SIK3: variants seen among roughly 807,000 people sequenced by gnomAD.
SIK3 encodes serine/threonine-protein kinase SIK3.
A neutral mutation model predicts 144.2 loss-of-function variants in SIK3; 28 were observed. The observed-to-expected ratio is 0.19, with a 90% CI of 0.14 to 0.27. The LOEUF (loss-of-function observed/expected upper bound fraction) is 0.27, where lower values mean the gene tolerates loss of function less well. SIK3 is among the 10% of genes least tolerant of loss of function. The probability of loss-of-function intolerance (pLI) is 1.00; values close to 1 mark genes in which losing one functional copy is unlikely to be tolerated. For synonymous variants in SIK3, 686 were observed against 676.3 expected (o/e 1.01, Z -0.22); for missense variants, 1,319 against 1,776.0 (o/e 0.74, Z 4.62).
chr11:116,871,865 T>C (rs1943988877), intron 13 of SIK3, among the ~76,000 whole-genome samples: 1 of 152,200 alleles, frequency 6.6e-6, no homozygotes, highest in Non-Finnish European at 1.5e-5. Context: ...TAAGTTCATT[T>C]GGGACATGCT....
intron 3 of SIK3, among the ~76,000 whole-genome samples, chr11:116,944,991 G>A (rs537768815): frequency 1.5e-4 from 23 of 150,324 alleles, no homozygotes; most frequent in African/African-American, 4.9e-4. Context: ...ACGGAGTCTC[G>A]CTCTGTCCCG....
At chr11:117,039,029 G>A (rs1286710690) in intron 1 of SIK3, among the ~76,000 whole-genome samples, 2 of 151,870 alleles carry the variant, frequency 1.3e-5, no homozygotes, top group Non-Finnish European at 2.9e-5. Context: ...CAGCCTGGGC[G>A]ACGGAGTGAG....
At chr11:116,912,380 A>C (rs1421934446) in intron 4 of SIK3, among the ~76,000 whole-genome samples, 2 of 152,212 alleles carry the variant, frequency 1.3e-5, no homozygotes, top group African/African-American at 4.8e-5. Flanking sequence ...GGGCGGCATT[A>C]ATTTATAAAT....
intron 3 of SIK3, among the ~76,000 whole-genome samples, chr11:116,950,416 A>C (rs1042779112): frequency 1.3e-5 from 2 of 152,226 alleles, no homozygotes; most frequent in Non-Finnish European, 2.9e-5. Flanking sequence ...TTCCAAAGCG[A>C]AAACTAGGTT....
chr11:116,977,380 C>T (rs908824110), intron 1 of SIK3, among the ~76,000 whole-genome samples: 1 of 152,010 alleles, frequency 6.6e-6, no homozygotes, highest in African/African-American at 2.4e-5. Flanking sequence ...CATGCCCAGC[C>T]AGAAATTTCT....
rs569665566 is a variant in SIK3 at position 117,074,866 on chromosome 11, G to A, written c.273+23277C>T. ...TGCTTGAACCAGGGAGGTGGAGGTT[G>A]CAGTGAGTCAAGATCGCGCCATTGC... On this transcript the variant is annotated intron_variant, in intron 1 of 24. Transcript: ENST00000445177. 1.6e-3 allele frequency among the ~76,000 whole-genome samples: 250 copies of A among 151,738 alleles called. 5 individuals are homozygous for A. In the South Asian group the frequency reaches 0.049, roughly 30 times the overall value.
intron 1 of SIK3, among the ~76,000 whole-genome samples, chr11:117,006,230 C>T (rs1951041925): frequency 6.6e-6 from 1 of 152,136 alleles, no homozygotes; most frequent in African/African-American, 2.4e-5. Flanking sequence ...TACCACAATA[C>T]ATTGAAATTG....
intron 4 of SIK3, among the ~76,000 whole-genome samples, chr11:116,923,121 G>A (rs1283146701): frequency 6.6e-6 from 1 of 151,892 alleles, no homozygotes. Flanking sequence ...TCACCACGTT[G>A]GCCAGGCTGG....
At chr11:117,058,261 C>T (rs892105334) in intron 1 of SIK3, among the ~76,000 whole-genome samples, 3 of 152,150 alleles carry the variant, frequency 2.0e-5, no homozygotes, top group Non-Finnish European at 4.4e-5. Context: ...GTGGCTCACA[C>T]CTGTAATCCC....
intron 4 of SIK3, among the ~76,000 whole-genome samples, chr11:116,912,777 C>T (rs1436109697): frequency 6.6e-6 from 1 of 152,186 alleles, no homozygotes; most frequent in Admixed American, 6.5e-5. Flanking sequence ...CCCAATACTG[C>T]ATTTGCAATT....
At chr11:116,950,069 CAG>C in intron 3 of SIK3, 1 of 469,018 alleles carries the variant, frequency 2.1e-6, no homozygotes, top group Non-Finnish European at 4.4e-6. Flanking sequence ...CAGCAAAAGA[CAG>C]TGAAACCACT....
intron 1 of SIK3, among the ~76,000 whole-genome samples, chr11:117,050,941 A>G (rs762961537): frequency 6.6e-6 from 1 of 152,220 alleles, no homozygotes; most frequent in Non-Finnish European, 1.5e-5. Flanking sequence ...GGTTAATTTT[A>G]TGTGCCAAGT....
chr11:116,959,065 A>G (rs945150790), intron 1 of SIK3, among the ~76,000 whole-genome samples: 1 of 152,200 alleles, frequency 6.6e-6, no homozygotes, highest in Non-Finnish European at 1.5e-5. Flanking sequence ...AGAGCTGCCA[A>G]ACAGCTGTAA....
At chr11:116,883,565 C>T (rs1591461847) in intron 6 of SIK3, among the ~76,000 whole-genome samples, 1 of 152,114 alleles carries the variant, frequency 6.6e-6, no homozygotes, top group Non-Finnish European at 1.5e-5. Context: ...TGTCAACTGC[C>T]AGCTAAGATC....
At chr11:116,930,920 C>T (rs1248820463) in intron 3 of SIK3, among the ~76,000 whole-genome samples, 1 of 151,982 alleles carries the variant, frequency 6.6e-6, no homozygotes. Flanking sequence ...TTTCTTTGAC[C>T]ACAATTTCAC....
rs138223408 is a variant in SIK3 at position 116,889,322 on chromosome 11, G to A, written c.865+6931C>T. Among the ~76,000 whole-genome samples, 343 of 152,332 alleles carry A rather than the reference G, an allele frequency of 2.3e-3. 3 individuals carry two copies. Among genetic ancestry groups the A allele is most frequent in the African/African-American group, 7.7e-3 (321 of 41,566 alleles). ...CTTCTGCCCATAATCCCAGCACTCT[G>A]GGAGGCCAAGGTGGGAGGATTGCTT... is the stretch of plus-strand genomic sequence containing the variant. On this transcript the variant is annotated intron_variant, in intron 6 of 24. Transcript: ENST00000445177.
At chr11:116,903,226 T>C (rs1945829283) in intron 4 of SIK3, among the ~76,000 whole-genome samples, 1 of 152,230 alleles carries the variant, frequency 6.6e-6, no homozygotes, top group South Asian at 2.1e-4. Flanking sequence ...TCCTCTTCAT[T>C]CTCTTAGCTG....
chr11:116,881,598 C>T lies in SIK3; in HGVS notation c.866-4556G>A, dbSNP rs941953741. On this transcript the variant is annotated intron_variant, in intron 6 of 24. Transcript: ENST00000445177. ...ATTTCTCTAAGTGGTTACAACAAACCAAAACAATTCTTGGGAGATAAGTCT... is the reference window on the plus strand; with the variant it reads ...ATTTCTCTAAGTGGTTACAACAAACTAAAACAATTCTTGGGAGATAAGTCT... 2.6e-5 allele frequency among the ~76,000 whole-genome samples: 4 copies of T among 151,798 alleles called. 1 individual carries two copies. Among genetic ancestry groups the T allele is most frequent in the Admixed American group, 2.6e-4 (4 of 15,236 alleles).
intron 1 of SIK3, among the ~76,000 whole-genome samples, chr11:117,069,186 G>T (rs1474312553): frequency 0.023 from 178 of 7,752 alleles, no homozygotes; most frequent in Non-Finnish European, 0.045. Flanking sequence ...TTTTTTTTTG[G>T]GGGGGGGGGG....
Sources: allele counts gnomAD v4.1 joint callset (sites outside exome capture counted in the v4.1 genomes callset), GRCh38; gene constraint gnomAD v4.1.1; transcripts MANE v1.5; gene names NCBI Gene and HGNC (gene_info 2026-07-23, HGNC 2026-07-21).